The following SLC18A2 variants were observed in gnomAD, a reference collection of about 807,000 sequenced individuals.
The protein encoded by SLC18A2 is synaptic vesicular amine transporter.
SLC18A2 carries 33 observed loss-of-function variants against 59.2 expected under a neutral mutation model. That is an observed-to-expected ratio of 0.56 (90% confidence interval 0.42 to 0.75). The LOEUF (loss-of-function observed/expected upper bound fraction) is 0.75, where lower values mean the gene tolerates loss of function less well. Among genes scored for constraint, SLC18A2 ranks in the 30% least tolerant of loss-of-function variants. The pLI is 0.00. For synonymous variants in SLC18A2, 228 were observed against 253.5 expected, an observed-to-expected ratio of 0.90 and a Z score of 0.95; for missense variants, 569 against 668.6, an observed-to-expected ratio of 0.85 and a Z score of 1.64.
intron 10 of SLC18A2, among the ~76,000 whole-genome samples, chr10:117,266,230 AAC>A (rs1314374796): frequency 1.3e-5 from 2 of 152,336 alleles, no homozygotes; most frequent in East Asian, 3.9e-4. Flanking sequence ...TGTAAATCAA[AAC>A]ACACATAAAT....
At chr10:117,275,089 AG>A (rs112992712) in intron 15 of SLC18A2, among the ~76,000 whole-genome samples, 3 of 152,164 alleles carry the variant, frequency 2.0e-5, no homozygotes, top group Admixed American at 2.0e-4. Flanking sequence ...ATTTATTGTT[AG>A]GGGGGTTAAA....
At chr10:117,267,548 C>A (rs774520289) in intron 12 of SLC18A2, 125 bp from the exon 13 acceptor site, 1 of 627,826 alleles carries the variant, frequency 1.6e-6, no homozygotes, top group Non-Finnish European at 2.7e-6. Context: ...ACCCTTCTTC[C>A]TCCTGTTTTC....
chr10:117,275,831 G>C (rs1159385811), intron 15 of SLC18A2, among the ~76,000 whole-genome samples: 1 of 152,328 alleles, frequency 6.6e-6, no homozygotes, highest in East Asian at 1.9e-4. Context: ...AGGAGGGCAT[G>C]AGAGTTTCAT....
At chr10:117,262,525 C>T (rs1589982703) in intron 10 of SLC18A2, among the ~76,000 whole-genome samples, 1 of 151,902 alleles carries the variant, frequency 6.6e-6, no homozygotes, top group South Asian at 2.1e-4. Context: ...GAGGCTGTTT[C>T]CCAGCTTTTC....
At chr10:117,271,888 C>G (rs1844431678) in intron 15 of SLC18A2, among the ~76,000 whole-genome samples, 1 of 152,124 alleles carries the variant, frequency 6.6e-6, no homozygotes. Context: ...ATGGAGGTTA[C>G]TCAATGTTTT....
intron 13 of SLC18A2, among the ~76,000 whole-genome samples, chr10:117,268,970 A>G (rs1388453403): frequency 9.9e-6 from 1 of 100,868 alleles, no homozygotes; most frequent in South Asian, 3.4e-4. Flanking sequence ...ACACACTCAT[A>G]CACAAACACA....
intron 3 of SLC18A2, among the ~76,000 whole-genome samples, chr10:117,252,790 A>G (rs1016633126): frequency 1.3e-5 from 2 of 152,202 alleles, no homozygotes; most frequent in African/African-American, 4.8e-5. Context: ...CCAGCCAGAC[A>G]TGGCATAGGG....
intron 15 of SLC18A2, among the ~76,000 whole-genome samples, chr10:117,272,169 T>C (rs1408609316): frequency 1.3e-5 from 2 of 152,200 alleles, no homozygotes; most frequent in Non-Finnish European, 2.9e-5. Flanking sequence ...ACAGAGTGAC[T>C]GGCCCTGTGG....
At chr10:117,250,346 A>G (rs965926953) in intron 3 of SLC18A2, among the ~76,000 whole-genome samples, 9 of 152,212 alleles carry the variant, frequency 5.9e-5, no homozygotes, top group Admixed American at 4.6e-4. Context: ...CTCTGCAGCC[A>G]TGGGTGAGCC....
intron 2 of SLC18A2, 171 bp downstream of exon 2, chr10:117,241,985 A>C (rs2133724279): frequency 1.7e-6 from 1 of 581,406 alleles, no homozygotes; most frequent in African/African-American, 2.0e-5. Flanking sequence ...GGCTAGGAGG[A>C]GCCGCGTTGT....
chr10:117,272,233 A>G (rs1844436088), intron 15 of SLC18A2, among the ~76,000 whole-genome samples: 1 of 152,158 alleles, frequency 6.6e-6, no homozygotes, highest in Non-Finnish European at 1.5e-5. Flanking sequence ...CTGCTTATCT[A>G]ACTCTCTGGC....
At chr10:117,265,828 G>A (rs1020250681) in intron 10 of SLC18A2, among the ~76,000 whole-genome samples, 2 of 152,168 alleles carry the variant, frequency 1.3e-5, no homozygotes, top group African/African-American at 4.8e-5. Context: ...GGTGGCTCAC[G>A]CCTGTAATCC....
At chr10:117,259,271 G>A (rs1247256438) in intron 10 of SLC18A2, among the ~76,000 whole-genome samples, 1 of 152,180 alleles carries the variant, frequency 6.6e-6, no homozygotes, top group Non-Finnish European at 1.5e-5. Context: ...TTTATGTAGT[G>A]TTTATGAATA....
intron 15 of SLC18A2, among the ~76,000 whole-genome samples, chr10:117,271,842 T>G (rs1208783875): frequency 3.3e-5 from 5 of 152,218 alleles, no homozygotes; most frequent in Non-Finnish European, 7.3e-5. Flanking sequence ...AAATGCAAAC[T>G]GCCATTCTGT....
At chr10:117,246,810 G>T (rs1486598915) in intron 3 of SLC18A2, among the ~76,000 whole-genome samples, 1 of 151,974 alleles carries the variant, frequency 6.6e-6, no homozygotes, top group African/African-American at 2.4e-5. Flanking sequence ...GCACCACTAT[G>T]CCTGGCTATT....
chr10:117,269,796 G>A lies in SLC18A2; in HGVS notation c.1187-275G>A, dbSNP rs1262601589. Among the ~76,000 whole-genome samples the A allele has an allele frequency of 6.6e-6, 1 of 152,156 alleles. No individual in the cohort carries two copies. Among genetic ancestry groups the A allele is most frequent in the African/African-American group, 2.4e-5 (1 of 41,418 alleles). On this transcript the variant is annotated intron_variant, in intron 13 of 15. Transcript: ENST00000644641. The surrounding 1 kb of genome is among the most constrained non-coding windows in gnomAD (Gnocchi z 5.1). ...GGTGAACAAAACCAACAGAAGAGTT[G>A]GGCATTTAGCAAAGAATTGAAGAAT...
At chr10:117,253,290 C>T (rs1844184406) in intron 3 of SLC18A2, 109 bp from the exon 4 acceptor site, 2 of 787,290 alleles carry the variant, frequency 2.5e-6, no homozygotes. Context: ...GAAAAGTCCA[C>T]CAAACACTTA....
rs201785307 is a variant in SLC18A2, at chr10:117,253,568, GT to G, written c.523+112del. 10,268 of 275,564 alleles carry G rather than the reference GT, an allele frequency of 0.037. 597 individuals carry two copies. The highest frequency in any genetic ancestry group is 0.094 in the East Asian group (837 of 8,906). 17.1% of individuals were successfully genotyped at this position (275,564 alleles called of 1,614,324 possible). On this transcript the variant is annotated intron_variant, in intron 4 of 15. Transcript: ENST00000644641. ...TAAGGACGGCGGGGGGGCGGGGGGG[GT>G]CGTGGTTGGCTCATGCCTGTAATCC...
At chr10:117,241,531 G>C (rs1844052070) in intron 1 of SLC18A2, 148 bp from the exon 2 acceptor site, 1 of 827,830 alleles carries the variant, frequency 1.2e-6, no homozygotes, top group African/African-American at 1.8e-5. Context: ...GGACGCGCTC[G>C]AGGCAGGTGA....
Sources: gnomAD v4.1 joint callset for allele counts (sites outside exome capture counted in the v4.1 genomes callset) on GRCh38, gnomAD v4.1.1 for gene constraint, Gnocchi (gnomAD v3.1) non-coding constraint, MANE v1.5 for transcripts, NCBI Gene and HGNC (gene_info 2026-07-23, HGNC 2026-07-21) for gene names.